Variants in DST observed in about 807,000 individuals in gnomAD.
DST encodes dystonin.
In DST, 253 loss-of-function variants were observed where a neutral mutation model predicts 875.2. That is an observed-to-expected ratio of 0.29 (90% CI 0.26 to 0.32). The LOEUF is 0.32. DST is among the 10% of genes least tolerant of loss of function. The probability of loss-of-function intolerance (pLI) is 1.00; values close to 1 mark genes in which losing one functional copy is unlikely to be tolerated. For missense variants in DST, 8,287 were observed against 9,111.6 expected, an observed-to-expected ratio of 0.91 and a Z score of 3.68; for synonymous variants, 3,124 against 3,197.1, an observed-to-expected ratio of 0.98 and a Z score of 0.77.
At chr6:56,740,584 C>CT (rs1164803152) in intron 4 of DST, among the ~76,000 whole-genome samples, 2 of 152,184 alleles carry the variant, frequency 1.3e-5, no homozygotes, top group African/African-American at 4.8e-5. Context: ...GGACCCAACT[C>CT]TTATGTTTCC....
intron 4 of DST, among the ~76,000 whole-genome samples, chr6:56,818,211 T>C (rs1298474502): frequency 6.6e-6 from 1 of 152,032 alleles, no homozygotes; most frequent in Non-Finnish European, 1.5e-5. Flanking sequence ...TTATTTGTTA[T>C]AGCAACAATA....
chr6:56,827,981 G>A (rs1298666000), intron 4 of DST, among the ~76,000 whole-genome samples: 2 of 152,058 alleles, frequency 1.3e-5, no homozygotes, highest in Non-Finnish European at 2.9e-5. Flanking sequence ...CCCATTTGAG[G>A]TGAGATCAAA....
chr6:56,568,638 C>T, intron 54 of DST, 43 bp from the exon 55 acceptor site: 1 of 1,472,624 alleles, frequency 6.8e-7, no homozygotes, highest in Non-Finnish European at 9.2e-7. Flanking sequence ...TTAATATTTT[C>T]AGAGTTGCAC....
At chr6:56,692,701 G>A in intron 9 of DST, 1 of 1,289,616 alleles carries the variant, frequency 7.8e-7, no homozygotes, top group Non-Finnish European at 1.0e-6. Context: ...GCAATATGGA[G>A]TGCTGTCTTT....
intron 2 of DST, among the ~76,000 whole-genome samples, chr6:56,904,263 CAT>C (rs1298757243): frequency 6.6e-6 from 1 of 152,190 alleles, no homozygotes; most frequent in Non-Finnish European, 1.5e-5. Flanking sequence ...AAGACAGACA[CAT>C]GTGAGGTACC....
intron 9 of DST, among the ~76,000 whole-genome samples, chr6:56,673,541 C>T (rs897558417): frequency 6.6e-6 from 1 of 152,168 alleles, no homozygotes; most frequent in African/African-American, 2.4e-5. Flanking sequence ...GGTTCAAGTG[C>T]TACACAGTTT....
rs192721247 is a variant in DST, at chr6:56,642,796, C to T, written c.1779-293G>A. On this transcript the variant is annotated intron_variant, in intron 15 of 103. Transcript: ENST00000680361. ...ATAACTACTACTGTGCATTTTTATT[C>T]CTGAAACGATGTTCTTTCTTTCACC... 326 of 1,613,726 alleles carry T rather than the reference C, an allele frequency of 2.0e-4. No homozygotes were observed. The highest frequency in any genetic ancestry group is 2.0e-3 in the East Asian group (88 of 44,870).
Position 56,648,620 on chromosome 6 carries a change from C to T in DST, c.1504G>A (p.Val502Met). The change falls in exon 13 of 104, where the codon GTG becomes ATG. Residue 502 changes from valine to methionine, a missense_variant. By Grantham distance (21) the Val-to-Met change is conservative. Around this residue, in one of 10 missense-constraint regions of DST, gnomAD observed 1,160 missense variants for 1,424.3 expected, o/e 0.81. Transcript: ENST00000680361. ...AATGTTCTCTCAGACATTGTGGTCA[C>T]ATGGTGTCTAATCCATTGGATGAGG... ...NYLIQWIRHH[V>M]TTMSERTFPN... 6.3e-7 allele frequency: 1 copy of T among 1,591,714 alleles called. No individual in the cohort carries two copies. The highest frequency in any genetic ancestry group is 8.6e-7 in the Non-Finnish European group (1 of 1,166,956).
At chr6:56,832,372 G>A (rs1007823986) in intron 4 of DST, among the ~76,000 whole-genome samples, 4 of 152,002 alleles carry the variant, frequency 2.6e-5, no homozygotes, top group African/African-American at 9.7e-5. Flanking sequence ...AGATTCTGAT[G>A]GTTTTAAAAA....
In DST at chr6:56,552,589, A is replaced by G. The variant is rs1368967007; in HGVS notation, c.16203T>C (p.Phe5401=). ...GAGCCATGCTATCCAGTTCATCATCAAACTCTGCGAACTGAGAAAACATTT... is the reference window on the plus strand; with the variant it reads ...GAGCCATGCTATCCAGTTCATCATCGAACTCTGCGAACTGAGAAAACATTT... ...IREMFSQFAE[F]DDELDSMAPV... The change falls in exon 61 of 104, where the codon TTT becomes TTC. Residue 5401 remains phenylalanine, a synonymous_variant. Coordinates refer to ENST00000680361, the MANE Select transcript of DST (RefSeq NM_001374736.1). 1 of 1,613,824 alleles carries G rather than the reference A, an allele frequency of 6.2e-7. No individual in the cohort carries two copies. Among genetic ancestry groups the G allele is most frequent in the South Asian group, 1.1e-5 (1 of 91,078 alleles).
intron 4 of DST, among the ~76,000 whole-genome samples, chr6:56,743,233 C>T (rs111267125): frequency 6.6e-6 from 1 of 152,026 alleles, no homozygotes; most frequent in East Asian, 1.9e-4. Context: ...ACCAATAGAC[C>T]TTCCTGAATA....
intron 49 of DST, among the ~76,000 whole-genome samples, chr6:56,582,484 C>G (rs2098025865): frequency 6.6e-6 from 1 of 151,110 alleles, no homozygotes; most frequent in Non-Finnish European, 1.5e-5. Context: ...AGTAAAAGTT[C>G]CCTGAGGCTT....
intron 24 of DST, 87 bp downstream of exon 24, chr6:56,635,502 C>A: frequency 7.5e-7 from 1 of 1,330,400 alleles, no homozygotes; most frequent in South Asian, 1.2e-5. Flanking sequence ...ATCAAGAGTG[C>A]CAATAAAATA....
intron 78 of DST, among the ~76,000 whole-genome samples, chr6:56,503,590 TAC>T (rs1220256775): frequency 2.1e-5 from 1 of 48,420 alleles, no homozygotes; most frequent in African/African-American, 8.5e-5. Context: ...TCTCTACCTA[TAC>T]ATACACACAC....
chr6:56,512,174 T>C (rs1341041887), intron 72 of DST, among the ~76,000 whole-genome samples: 1 of 152,162 alleles, frequency 6.6e-6, no homozygotes, highest in Non-Finnish European at 1.5e-5. Flanking sequence ...GTTTGTAAGG[T>C]ATATTTAAGG....
At chr6:56,552,055 T>G (rs2097334693) in intron 61 of DST, 129 bp downstream of exon 61, 5 of 1,101,048 alleles carry the variant, frequency 4.5e-6, no homozygotes, top group Admixed American at 5.5e-5. Context: ...CCATATATGC[T>G]CATTCTGGCT....
chr6:56,585,877 T>C (rs1329519067), intron 49 of DST, among the ~76,000 whole-genome samples: 1 of 152,202 alleles, frequency 6.6e-6, no homozygotes, highest in Non-Finnish European at 1.5e-5. Context: ...AGGAGCAGGT[T>C]GTTCAGTTTC....
intron 29 of DST, among the ~76,000 whole-genome samples, 186 bp from the exon 30 acceptor site, chr6:56,631,575 G>A (rs1429338244): frequency 6.6e-6 from 1 of 152,116 alleles, no homozygotes; most frequent in Non-Finnish European, 1.5e-5. Flanking sequence ...TTCCCTTACT[G>A]TTCATCTCCT....
chr6:56,533,264 C>A (rs1448284959), intron 63 of DST, among the ~76,000 whole-genome samples: 1 of 152,224 alleles, frequency 6.6e-6, no homozygotes, highest in African/African-American at 2.4e-5. Flanking sequence ...TAGCCTTTTA[C>A]CTTGCTCTAA....
Sources: allele counts gnomAD v4.1 joint callset (sites outside exome capture counted in the v4.1 genomes callset), GRCh38; gene constraint gnomAD v4.1.1; regional missense constraint gnomAD v4.1.1; transcripts MANE v1.5; gene names NCBI Gene and HGNC (gene_info 2026-07-23, HGNC 2026-07-21).